Variants in FHIT observed in about 807,000 individuals in gnomAD.
FHIT encodes fragile histidine triad diadenosine triphosphatase.
In FHIT, 19 loss-of-function variants were observed where a neutral mutation model predicts 17.9. The ratio of observed to expected loss-of-function variants is 1.06; its 90% CI spans 0.74 to 1.56. The LOEUF is 1.56. Ranked by LOEUF, FHIT falls within the 40% of genes most tolerant of loss-of-function variation. FHIT has a pLI of 0.00. For missense variants in FHIT, 248 were observed against 189.2 expected, an observed-to-expected ratio of 1.31 and a Z score of -1.82; for synonymous variants, 81 against 69.7, an observed-to-expected ratio of 1.16 and a Z score of -0.81.
At chr3:60,700,163 T>C (rs1325794586) in intron 4 of FHIT, among the ~76,000 whole-genome samples, 12 of 151,224 alleles carry the variant, frequency 7.9e-5, no homozygotes, top group African/African-American at 2.9e-4. Context: ...GGTATGTATG[T>C]ATGTGGTATA....
At chr3:60,240,850 G>C (rs1439843166) in intron 5 of FHIT, among the ~76,000 whole-genome samples, 1 of 152,028 alleles carries the variant, frequency 6.6e-6, no homozygotes, top group Non-Finnish European at 1.5e-5. Flanking sequence ...TACCTGCTTT[G>C]AAATAAACCA....
chr3:60,136,978 A>T (rs903874821), intron 5 of FHIT, among the ~76,000 whole-genome samples: 15 of 152,194 alleles, frequency 9.9e-5, no homozygotes, highest in Non-Finnish European at 1.6e-4. Flanking sequence ...TTCTAATTAG[A>T]ATAAAATATT....
intron 5 of FHIT, among the ~76,000 whole-genome samples, chr3:60,510,729 CA>C (rs1203213592): frequency 2.6e-5 from 4 of 151,988 alleles, no homozygotes; most frequent in African/African-American, 4.8e-5. Context: ...CCCACACACA[CA>C]ATATAGAAAT....
intron 3 of FHIT, among the ~76,000 whole-genome samples, chr3:60,983,925 T>TA (rs147839379): frequency 0.066 from 10,039 of 151,868 alleles, 472 homozygotes; most frequent in East Asian, 0.18. Flanking sequence ...CAGCATAAGA[T>TA]AAAAAAAATT....
chr3:60,510,785 T>A (rs1261947006), intron 5 of FHIT, among the ~76,000 whole-genome samples: 5 of 152,124 alleles, frequency 3.3e-5, no homozygotes. Context: ...AATTTAAATT[T>A]AAGGTTTTAG....
At chr3:60,782,253 A>ATATATC (rs1553725885) in intron 4 of FHIT, among the ~76,000 whole-genome samples, 2 of 151,222 alleles carry the variant, frequency 1.3e-5, no homozygotes, top group African/African-American at 2.4e-5. Flanking sequence ...ATATATATAT[A>ATATATC]TCACATTTTC....
chr3:60,792,817 T>G (rs1241503539), intron 4 of FHIT, among the ~76,000 whole-genome samples: 1 of 147,336 alleles, frequency 6.8e-6, no homozygotes, highest in African/African-American at 2.6e-5. Context: ...GAGACTGCCC[T>G]TCGAGAAAAC....
chr3:60,373,865 G>A lies in FHIT; in HGVS notation c.103+162995C>T, dbSNP rs139280195. On this transcript the variant is annotated intron_variant, in intron 5 of 9. Transcript: ENST00000492590. The stretch of plus-strand genomic sequence containing the variant: ...AGAAAAGATTAAAGGCAGAAAGACT[G>A]GTAGCAGAAAAGCCAATAAGGAGGT... 7.0e-4 allele frequency among the ~76,000 whole-genome samples: 106 copies of A among 152,288 alleles called. 1 individual carries two copies. In the East Asian group the frequency reaches 0.012, roughly 17 times the overall value.
chr3:59,975,767 G>T (rs745745803), intron 7 of FHIT, among the ~76,000 whole-genome samples: 1 of 152,022 alleles, frequency 6.6e-6, no homozygotes, highest in Non-Finnish European at 1.5e-5. Context: ...AGCCTGGTAG[G>T]TCCAGAATAG....
chr3:60,645,572 G>A (rs180796463), intron 4 of FHIT, among the ~76,000 whole-genome samples: 3 of 152,150 alleles, frequency 2.0e-5, no homozygotes, highest in East Asian at 1.9e-4. Context: ...ATCTTCTCTT[G>A]TCTCCTCTGG....
At chr3:61,089,482 T>C (rs1342481351) in intron 2 of FHIT, among the ~76,000 whole-genome samples, 1 of 152,220 alleles carries the variant, frequency 6.6e-6, no homozygotes, top group Non-Finnish European at 1.5e-5. Flanking sequence ...TGGAATCTTC[T>C]AATAGGTGAC....
At chr3:60,318,378 C>A (rs941187200) in intron 5 of FHIT, among the ~76,000 whole-genome samples, 4 of 151,988 alleles carry the variant, frequency 2.6e-5, no homozygotes, top group Admixed American at 1.3e-4. Context: ...TAGAAATCAA[C>A]CAAATGAAAT....
intron 8 of FHIT, among the ~76,000 whole-genome samples, chr3:59,769,538 G>A (rs1487515746): frequency 2.6e-5 from 4 of 152,116 alleles, no homozygotes; most frequent in East Asian, 3.9e-4. Context: ...TGCTCACCAC[G>A]TATTACATTT....
chr3:60,198,099 G>C (rs950279922), intron 5 of FHIT, among the ~76,000 whole-genome samples: 4 of 149,702 alleles, frequency 2.7e-5, no homozygotes, highest in Non-Finnish European at 5.9e-5. Flanking sequence ...AGGAACGTTT[G>C]GATGACTTTT....
At chr3:60,830,406 T>C (rs1282628369) in intron 3 of FHIT, among the ~76,000 whole-genome samples, 1 of 152,094 alleles carries the variant, frequency 6.6e-6, no homozygotes, top group East Asian at 1.9e-4. Context: ...AAGCACCACA[T>C]AAACCAAAAG....
intron 8 of FHIT, among the ~76,000 whole-genome samples, chr3:59,820,918 C>T (rs1700764007): frequency 6.6e-6 from 1 of 152,114 alleles, no homozygotes; most frequent in African/African-American, 2.4e-5. Context: ...ATATTTCCAA[C>T]TTGGAGGCTT....
chr3:60,662,132 G>C (rs549983344), intron 4 of FHIT, among the ~76,000 whole-genome samples: 110 of 152,272 alleles, frequency 7.2e-4, no homozygotes, highest in African/African-American at 2.4e-3. Flanking sequence ...ATATCTAGAA[G>C]AGTTTTCCAA....
intron 8 of FHIT, among the ~76,000 whole-genome samples, chr3:59,918,972 C>T (rs1705273120): frequency 6.6e-6 from 1 of 152,138 alleles, no homozygotes; most frequent in Admixed American, 6.5e-5. Context: ...AAAATAAATA[C>T]AGTGTGGTTT....
chr3:61,200,810 C>T (rs1487670167), intron 1 of FHIT, 145 bp from the exon 2 acceptor site: 5 of 152,152 alleles, frequency 3.3e-5, no homozygotes, highest in African/African-American at 1.2e-4. Flanking sequence ...TGCCTCATAC[C>T]TCCCGCACAA....
Sources: allele counts gnomAD v4.1 joint callset (sites outside exome capture counted in the v4.1 genomes callset), GRCh38; gene constraint gnomAD v4.1.1; transcripts MANE v1.5; gene names NCBI Gene and HGNC (gene_info 2026-07-23, HGNC 2026-07-21).